The following EXOC4 variants were observed in gnomAD, a reference collection of about 807,000 sequenced individuals.
EXOC4 encodes exocyst complex component 4, also known as SEC8-like 1.
EXOC4 carries 71 observed loss-of-function variants against 107.2 expected under a neutral mutation model. That is an observed-to-expected ratio of 0.66 (90% CI 0.55 to 0.81). The LOEUF (loss-of-function observed/expected upper bound fraction) is 0.81. Ranked by LOEUF, EXOC4 falls within the 30% of genes least tolerant of loss-of-function variation. The probability of loss-of-function intolerance (pLI) is 0.00; values close to 1 mark genes in which losing one functional copy is unlikely to be tolerated. For synonymous variants in EXOC4, 456 were observed against 441.2 expected (o/e 1.03, Z -0.42); for missense variants, 1,108 against 1,189.6 (o/e 0.93, Z 1.01).
intron 2 of EXOC4, among the ~76,000 whole-genome samples, chr7:133,278,861 C>A (rs1428449392): frequency 6.6e-6 from 1 of 151,972 alleles, no homozygotes; most frequent in Non-Finnish European, 1.5e-5. Flanking sequence ...GGTACATGTG[C>A]ACAACGTGCA....
At chr7:133,496,755 C>T (rs1799483689) in intron 9 of EXOC4, among the ~76,000 whole-genome samples, 1 of 152,144 alleles carries the variant, frequency 6.6e-6, no homozygotes, top group African/African-American at 2.4e-5. Flanking sequence ...TGACCAGACC[C>T]ATGCCCATGT....
At chr7:133,755,293 TTA>T (rs1795888814) in intron 10 of EXOC4, among the ~76,000 whole-genome samples, 1 of 122,258 alleles carries the variant, frequency 8.2e-6, no homozygotes, top group African/African-American at 3.2e-5. Context: ...TATATACATA[TTA>T]TATATATTAT....
downstream of EXOC4, among the ~76,000 whole-genome samples, chr7:134,071,034 T>C (rs774100573): frequency 5.3e-5 from 8 of 152,230 alleles, no homozygotes; most frequent in Non-Finnish European, 1.2e-4. Context: ...AGCTGGTTTT[T>C]GTGGTTGTTT....
chr7:134,054,893 A>G (rs561902358), intron 17 of EXOC4, among the ~76,000 whole-genome samples: 1 of 152,298 alleles, frequency 6.6e-6, no homozygotes, highest in South Asian at 2.1e-4. Context: ...TCATATTTCC[A>G]TTAGCTCCTT....
At chr7:133,713,751 C>T (rs1320083396) in intron 10 of EXOC4, among the ~76,000 whole-genome samples, 3 of 152,190 alleles carry the variant, frequency 2.0e-5, no homozygotes, top group Non-Finnish European at 4.4e-5. Flanking sequence ...CTTTCCCCAT[C>T]GCTTGGCACT....
chr7:133,730,244 A>T (rs1412878313), intron 10 of EXOC4, among the ~76,000 whole-genome samples: 1 of 150,272 alleles, frequency 6.7e-6, no homozygotes, highest in African/African-American at 2.5e-5. Flanking sequence ...AGATGATTGG[A>T]AACAGGATAA....
At chr7:133,997,053 AG>A (rs1794408709) in intron 14 of EXOC4, among the ~76,000 whole-genome samples, 1 of 152,216 alleles carries the variant, frequency 6.6e-6, no homozygotes. Context: ...GAGATGGAAC[AG>A]GCTGCCTTGA....
At chr7:133,997,422 A>C in intron 14 of EXOC4, 70 bp from the exon 15 acceptor site, 3 of 1,574,094 alleles carry the variant, frequency 1.9e-6, no homozygotes, top group Non-Finnish European at 2.6e-6. Flanking sequence ...GAACAGCAAA[A>C]TAATATGTCA....
chr7:133,336,719 ATTTTATTTAT>A (rs144215625), intron 5 of EXOC4, among the ~76,000 whole-genome samples: 37,238 of 84,320 alleles, frequency 0.44, 5,211 homozygotes, highest in African/African-American at 0.54. Flanking sequence ...ATTTTATTTT[ATTTTATTTAT>A]TTTATTTTAT....
At chr7:134,069,210 TCTTCTTCTTCTC>T (rs950311251), downstream of EXOC4, among the ~76,000 whole-genome samples, 6 of 103,862 alleles carry the variant, frequency 5.8e-5, no homozygotes, top group African/African-American at 2.3e-4. Context: ...TACCAGTTCT[TCTTCTTCTTCTC>T]CTTCTTCTTC....
At chr7:133,546,272 T>TTC (rs1554470304) in intron 9 of EXOC4, among the ~76,000 whole-genome samples, 7,515 of 148,822 alleles carry the variant, frequency 0.05, 284 homozygotes, top group Middle Eastern at 0.13. Flanking sequence ...TTTTTTTTTT[T>TTC]CCGAGATGGA....
At chr7:133,823,917 AT>A (rs1797634074) in intron 11 of EXOC4, among the ~76,000 whole-genome samples, 1 of 71,904 alleles carries the variant, frequency 1.4e-5, no homozygotes, top group Non-Finnish European at 2.4e-5. Context: ...ATATAAATAT[AT>A]ATATAAATTA....
intron 17 of EXOC4, among the ~76,000 whole-genome samples, chr7:134,053,602 G>T (rs1795851196): frequency 6.7e-6 from 1 of 149,614 alleles, no homozygotes; most frequent in African/African-American, 2.4e-5. Flanking sequence ...ATATATTTTG[G>T]AAATATATTT....
At chr7:133,915,893 A>G (rs1361553165) in intron 12 of EXOC4, among the ~76,000 whole-genome samples, 3 of 152,194 alleles carry the variant, frequency 2.0e-5, no homozygotes, top group African/African-American at 7.2e-5. Flanking sequence ...GAATTCTAGA[A>G]TCTGTTTTCC....
chr7:133,543,388 G>T (rs1584988059), intron 9 of EXOC4, among the ~76,000 whole-genome samples: 1 of 151,970 alleles, frequency 6.6e-6, no homozygotes, highest in Non-Finnish European at 1.5e-5. Context: ...AGTCTCAGAG[G>T]AGTATTTTTA....
chr7:133,660,239 C>T (rs1585060905), intron 10 of EXOC4, among the ~76,000 whole-genome samples: 1 of 151,430 alleles, frequency 6.6e-6, no homozygotes, highest in African/African-American at 2.4e-5. Context: ...CCTTCTGAGA[C>T]TGATTTAGTG....
At chr7:134,025,534 C>G (rs1181260779) in intron 17 of EXOC4, among the ~76,000 whole-genome samples, 1 of 152,202 alleles carries the variant, frequency 6.6e-6, no homozygotes, top group African/African-American at 2.4e-5. Context: ...CTTGGGTTCT[C>G]TCCTGTGGCT....
rs988652514 is a variant in EXOC4 at position 134,065,639 on chromosome 7, T to C, written c.*1111T>C. The C allele has an allele frequency of 6.6e-6, 1 of 152,308 alleles. No homozygotes were observed. The highest frequency in any genetic ancestry group is 6.5e-5 in the Admixed American group (1 of 15,270). The allele number at this position is 152,308 out of a possible 1,614,324, so 9.4% of individuals were successfully genotyped here. ...TCGTGGAAAGGGAAAGGGGAGGAGA[T>C]GGGACTTTGACCACACACAGTGATG... On this transcript the variant is annotated 3_prime_UTR_variant, in exon 18 of 18. Coordinates refer to ENST00000253861, the MANE Select transcript of EXOC4 (RefSeq NM_021807.4).
At chr7:133,436,979 G>C (rs1349427386) in intron 7 of EXOC4, among the ~76,000 whole-genome samples, 1 of 152,032 alleles carries the variant, frequency 6.6e-6, no homozygotes, top group Non-Finnish European at 1.5e-5. Context: ...AAATACATCT[G>C]AGTGACTATG....
Sources: gnomAD v4.1 joint callset for allele counts (sites outside exome capture counted in the v4.1 genomes callset) on GRCh38, gnomAD v4.1.1 for gene constraint, MANE v1.5 for transcripts, NCBI Gene and HGNC (gene_info 2026-07-23, HGNC 2026-07-21) for gene names.